The following GRIK5 variants were observed in gnomAD, a reference collection of about 807,000 sequenced individuals.
GRIK5 encodes glutamate ionotropic receptor kainate type subunit 5.
A neutral mutation model predicts 97.4 loss-of-function variants in GRIK5; 43 were observed. The observed-to-expected ratio is 0.44, with a 90% CI of 0.35 to 0.57. The LOEUF (loss-of-function observed/expected upper bound fraction) is 0.57. Ranked by LOEUF, GRIK5 falls within the 20% of genes least tolerant of loss-of-function variation. GRIK5 has a pLI of 0.01. For missense variants in GRIK5, 1,015 were observed against 1,382.0 expected (o/e 0.73, Z 4.21); for synonymous variants, 580 against 583.5 (o/e 0.99, Z 0.09).
In GRIK5 at chr19:42,062,595, G is replaced by A. The variant is rs764375387; in HGVS notation, c.401C>T (p.Ala134Val). The A allele has an allele frequency of 1.5e-5, 24 of 1,614,184 alleles. No individual in the cohort carries two copies. The highest frequency in any genetic ancestry group is 6.6e-5 in the South Asian group (6 of 91,084). The part of the protein sequence containing the change: ...ETPRLQYLRF[A>V]SVSLYPSNED... Reference sequence around the variant, plus strand: ...GTTACTGGGGTACAGGCTGACAGACGCGAAGCGAAGGTACTGAAGGCGGGG... The same window carrying A: ...GTTACTGGGGTACAGGCTGACAGACACGAAGCGAAGGTACTGAAGGCGGGG... Residue 134 changes from alanine to valine, a missense_variant, in exon 5 of 20, where the codon GCG becomes GTG. By Grantham distance (64) the Ala-to-Val change is moderately conservative. This residue lies in a region of GRIK5 where 198 missense variants were observed against 218.2 expected (regional missense o/e 0.91). Coordinates refer to ENST00000593562, the MANE Select transcript of GRIK5 (RefSeq NM_002088.5). This position sits in a 1 kb window ranked among gnomAD's most constrained non-coding sequence, Gnocchi z 5.3.
At chr19:42,025,889 T>C (rs571075479) in intron 12 of GRIK5, among the ~76,000 whole-genome samples, 6 of 152,290 alleles carry the variant, frequency 3.9e-5, no homozygotes, top group Admixed American at 6.5e-5. Context: ...GTCAGGAGGA[T>C]TGCTTGAGCC....
In GRIK5 at chr19:42,006,880, C is replaced by G. The variant is rs963073520; in HGVS notation, c.1872-70G>C. ...TGACCTGCCCCCGTGGCCATGCCCC[C>G]CATTGGTGGTGCCCCTCCCAAGTGA... On this transcript the variant is annotated intron_variant, in intron 15 of 19. Transcript: ENST00000593562. The surrounding 1 kb of genome is among the most constrained non-coding windows in gnomAD (Gnocchi z 5.3). 3 of 1,217,536 alleles carry G rather than the reference C, an allele frequency of 2.5e-6. No homozygotes were observed. The highest frequency in any genetic ancestry group is 2.4e-5 in the Admixed American group (1 of 41,228). 75.4% of individuals were successfully genotyped at this position (1,217,536 alleles called of 1,614,324 possible). A position where few individuals can be genotyped will look rare whatever the true frequency, so the allele number is the denominator to read the frequency against.
chr19:42,018,695 GA>G (rs2075660361), intron 15 of GRIK5, among the ~76,000 whole-genome samples: 1 of 38,216 alleles, frequency 2.6e-5, no homozygotes, highest in African/African-American at 8.5e-5. Flanking sequence ...GGGAGGAAAA[GA>G]AACGTTAACT....
chr19:42,062,785 G>C lies in GRIK5; in HGVS notation c.315C>G (p.Thr105=). 2 of 1,613,664 alleles carry C rather than the reference G, an allele frequency of 1.2e-6. No homozygotes were observed. Among genetic ancestry groups the C allele is most frequent in the Middle Eastern group, 1.6e-4 (1 of 6,062 alleles). ...GPSSSPASAS[T]VSHICGEKEI... ...CCTTCTCTCCACAGATATGGCTCAC[G>C]GTGGAGGCAGATGCTGGGCTAGAGG... The change falls in exon 4 of 20, where the codon ACC becomes ACG. Residue 105 remains threonine, a synonymous_variant. Transcript: ENST00000593562. The surrounding 1 kb of genome is among the most constrained non-coding windows in gnomAD (Gnocchi z 5.3).
At chr19:42,034,387 T>A (rs950915457) in intron 12 of GRIK5, among the ~76,000 whole-genome samples, 2 of 151,996 alleles carry the variant, frequency 1.3e-5, no homozygotes, top group Admixed American at 6.6e-5. Context: ...AACTAAAAAA[T>A]AATAATAAAA....
chr19:42,024,865 G>C lies in GRIK5; in HGVS notation c.1474-2511C>G, dbSNP rs921534548. Among the ~76,000 whole-genome samples, 6 of 152,240 alleles carry C rather than the reference G, an allele frequency of 3.9e-5. No individual in the cohort carries two copies. The East Asian group carries it at 5.8e-4, about 15-fold the overall frequency. ...TTCACTCCTCTGGGAAGCCATTCAT[G>C]GACCCCCACTCCCTGGACACCACTT... On this transcript the variant is annotated intron_variant, in intron 12 of 19. Transcript: ENST00000593562.
At position 42,055,099 on chromosome 19, in the gene GRIK5, G is replaced by A. The variant is rs117389793; in HGVS notation, c.904-627C>T. Among the ~76,000 whole-genome samples the A allele has an allele frequency of 4.7e-4, 72 of 152,318 alleles. No homozygotes were observed. The East Asian group carries it at 0.012, about 25-fold the overall frequency. On this transcript the variant is annotated intron_variant, in intron 8 of 19. Transcript: ENST00000593562. ...CCTTCATGTGCTGTTACGGGGCTCCGGTGACATAACGCCTGTAAAGCACTC... is the reference window on the plus strand; with the variant it reads ...CCTTCATGTGCTGTTACGGGGCTCCAGTGACATAACGCCTGTAAAGCACTC...
intron 12 of GRIK5, among the ~76,000 whole-genome samples, chr19:42,035,433 A>C (rs1173939502): frequency 6.6e-6 from 1 of 152,060 alleles, no homozygotes; most frequent in African/African-American, 2.4e-5. Flanking sequence ...TAGGCTGGGC[A>C]TGGTGGCTTA....
chr19:42,002,534 GC>G lies in GRIK5; in HGVS notation c.2514+797del. 1 of 699,426 alleles carries G rather than the reference GC, an allele frequency of 1.4e-6. No individual in the cohort carries two copies. Among genetic ancestry groups the G allele is most frequent in the Non-Finnish European group, 2.7e-6 (1 of 374,876 alleles). The allele number at this position is 699,426 out of a possible 1,614,324, so 43.3% of individuals were successfully genotyped here. ...GCAGAACACTGGCAGGCAGCTGGAT[GC>G]AGAGCTGGGGTCTGGGGAGTAGATG... is the stretch of plus-strand genomic sequence containing the variant. On this transcript the variant is annotated intron_variant, in intron 19 of 19. Transcript: ENST00000593562. The surrounding 1 kb of genome is among the most constrained non-coding windows in gnomAD (Gnocchi z 5.2).
Position 42,002,447 on chromosome 19 carries a change from G to A in GRIK5, c.2514+885C>T, listed in dbSNP as rs893765254. On this transcript the variant is annotated intron_variant, in intron 19 of 19. Transcript: ENST00000593562. This position sits in a 1 kb window ranked among gnomAD's most constrained non-coding sequence, Gnocchi z 5.2. The stretch of plus-strand genomic sequence containing the variant: ...GTCCTTGAGAAGGCAACCTGGACAC[G>A]GGTGGAGGGCACCTTTACTAGCAGC... 7.0e-6 allele frequency: 5 copies of A among 717,560 alleles called. No individual in the cohort carries two copies. Among genetic ancestry groups the A allele is most frequent in the Middle Eastern group, 2.3e-4 (1 of 4,394 alleles). The allele number at this position is 717,560 out of a possible 1,614,324, so 44.4% of individuals were successfully genotyped here.
rs1568931154 is a variant in GRIK5, at chr19:42,062,443, G to C, written c.508+45C>G. On this transcript the variant is annotated intron_variant, in intron 5 of 19. Coordinates refer to ENST00000593562, the MANE Select transcript of GRIK5 (RefSeq NM_002088.5). This position sits in a 1 kb window ranked among gnomAD's most constrained non-coding sequence, Gnocchi z 5.3. ...GTGGGACACCAGATCTCTTGGGAAG[G>C]GGTGTCTGGGGGAACAGAAAACAAA... The C allele has an allele frequency of 6.3e-7, 1 of 1,597,374 alleles. No homozygotes were observed. The highest frequency in any genetic ancestry group is 1.7e-5 in the Admixed American group (1 of 58,714).
At position 42,022,575 on chromosome 19, in the gene GRIK5, A is replaced by T. The variant is rs1279243689; in HGVS notation, c.1474-221T>A. ...CATCCTCATCATCTCACGTCTCCAG[A>T]CACACTGACTCCGTCCCCTAGGCCT... On this transcript the variant is annotated intron_variant, in intron 12 of 19. Coordinates refer to ENST00000593562, the MANE Select transcript of GRIK5 (RefSeq NM_002088.5). The surrounding 1 kb of genome is among the most constrained non-coding windows in gnomAD (Gnocchi z 4.2). The T allele has an allele frequency of 1.0e-6, 1 of 985,102 alleles. No homozygotes were observed. The highest frequency in any genetic ancestry group is 1.1e-4 in the East Asian group (1 of 8,806). 61.0% of individuals were successfully genotyped at this position (985,102 alleles called of 1,614,324 possible).
intron 15 of GRIK5, among the ~76,000 whole-genome samples, chr19:42,018,652 C>T: frequency 9.4e-6 from 1 of 106,684 alleles, no homozygotes; most frequent in Non-Finnish European, 1.7e-5. Context: ...AAGCAAGACT[C>T]TGTCTCAAAA....
At chr19:42,068,305 A>C (rs1728007015) in intron 1 of GRIK5, among the ~76,000 whole-genome samples, 1 of 152,150 alleles carries the variant, frequency 6.6e-6, no homozygotes, top group African/African-American at 2.4e-5. Context: ...GACACTCAGG[A>C]ATGCCGTGTG....
At chr19:42,036,659 G>A (rs1303751414) in intron 12 of GRIK5, among the ~76,000 whole-genome samples, 2 of 152,208 alleles carry the variant, frequency 1.3e-5, no homozygotes, top group African/African-American at 4.8e-5. Context: ...CCTGGCGTGT[G>A]TGTGCGTCTT....
intron 11 of GRIK5, 53 bp downstream of exon 11, chr19:42,053,549 A>G: frequency 3.9e-6 from 4 of 1,023,386 alleles, no homozygotes; most frequent in Non-Finnish European, 6.2e-6. Context: ...GGTGGGAGCT[A>G]GGACTGGGCT....
chr19:42,040,682 C>A (rs1010132744), intron 12 of GRIK5, among the ~76,000 whole-genome samples: 2 of 152,050 alleles, frequency 1.3e-5, no homozygotes, highest in African/African-American at 2.4e-5. Context: ...CATGATGAAA[C>A]CTGTTGCTCC....
At chr19:42,037,833 C>G (rs867798376) in intron 12 of GRIK5, among the ~76,000 whole-genome samples, 37 of 152,258 alleles carry the variant, frequency 2.4e-4, no homozygotes, top group African/African-American at 8.9e-4. Flanking sequence ...ACCCTTACCA[C>G]AGGGGGAGGT....
At chr19:42,057,361 G>A (rs1030021513) in intron 6 of GRIK5, among the ~76,000 whole-genome samples, 10 of 151,936 alleles carry the variant, frequency 6.6e-5, no homozygotes, top group African/African-American at 2.2e-4. Flanking sequence ...AAATAGGGCA[G>A]GAAGGGGAAT....
Sources: allele counts gnomAD v4.1 joint callset (sites outside exome capture counted in the v4.1 genomes callset), GRCh38; gene constraint gnomAD v4.1.1; regional missense constraint gnomAD v4.1.1; non-coding constraint Gnocchi (gnomAD v3.1); transcripts MANE v1.5; gene names NCBI Gene and HGNC (gene_info 2026-07-23, HGNC 2026-07-21).